Variants in STK17B observed in about 807,000 individuals in gnomAD.
STK17B encodes the protein serine/threonine-protein kinase 17B.
In STK17B, 21 loss-of-function variants were observed where a neutral mutation model predicts 42.0. The ratio of observed to expected loss-of-function variants is 0.50; its 90% CI spans 0.35 to 0.72. The LOEUF (loss-of-function observed/expected upper bound fraction) is 0.72. STK17B is among the 30% of genes least tolerant of loss of function. The pLI is 0.00. For missense variants in STK17B, 349 were observed against 446.0 expected, an observed-to-expected ratio of 0.78 and a Z score of 1.96; for synonymous variants, 143 against 148.4, an observed-to-expected ratio of 0.96 and a Z score of 0.26.
chr2:196,139,420 CCT>C (rs1220262116), intron 7 of STK17B, among the ~76,000 whole-genome samples, 198 bp downstream of exon 7: 10 of 152,068 alleles, frequency 6.6e-5, no homozygotes, highest in African/African-American at 1.4e-4. Context: ...TTCAAAATCC[CCT>C]GTTGTATATT....
At chr2:196,159,670 T>C (rs1438665746) in intron 2 of STK17B, among the ~76,000 whole-genome samples, 1 of 152,134 alleles carries the variant, frequency 6.6e-6, no homozygotes, top group East Asian at 1.9e-4. Flanking sequence ...GGTGACCAAA[T>C]GATGTGGATA....
In STK17B at chr2:196,141,279, T is replaced by C; in HGVS notation, c.626A>G (p.Tyr209Cys). 6.2e-7 allele frequency: 1 copy of C among 1,607,138 alleles called. No individual in the cohort carries two copies. Among genetic ancestry groups the C allele is most frequent in the Non-Finnish European group, 8.5e-7 (1 of 1,176,372 alleles). The change falls in exon 6 of 8, where the codon TAT (tyrosine) becomes TGT (cysteine). Residue 209 changes from tyrosine (Y) to cysteine (C), a missense_variant. This residue lies in a region of STK17B where 256 missense variants were observed against 347.7 expected (regional missense o/e 0.74). Coordinates refer to ENST00000263955, the MANE Select transcript of STK17B (RefSeq NM_004226.4). ...ATCTGTTGCTGTGGTAATGGGATCA[T>C]AGTTCAGGATTTCTGGAGCTGAAAG... is the stretch of plus-strand genomic sequence containing the variant. ...PEYLAPEILN[Y>C]DPITTATDMW...
intron 3 of STK17B, 35 bp downstream of exon 3, chr2:196,156,404 C>T: frequency 1.4e-6 from 2 of 1,468,088 alleles, no homozygotes; most frequent in Non-Finnish European, 1.9e-6. Context: ...TCTTTTCATA[C>T]CAACTAAAAT....
chr2:196,135,237 C>T lies in STK17B; in HGVS notation c.*2210G>A, dbSNP rs1267910742. On this transcript the variant is annotated 3_prime_UTR_variant, in exon 8 of 8. Coordinates refer to ENST00000263955, the MANE Select transcript of STK17B (RefSeq NM_004226.4). Reference sequence around the variant, plus strand: ...AAAAATATAATATGGTCTTCAGAAACATAATCATTTCATTATCCAATGACT... The same window carrying T: ...AAAAATATAATATGGTCTTCAGAAATATAATCATTTCATTATCCAATGACT... 6.6e-6 allele frequency: 1 copy of T among 152,124 alleles called. No homozygotes were observed. The highest frequency in any genetic ancestry group is 2.4e-5 in the African/African-American group (1 of 41,432). 9.4% of individuals were successfully genotyped at this position (152,124 alleles called of 1,614,324 possible).
intron 1 of STK17B, among the ~76,000 whole-genome samples, chr2:196,164,400 A>C (rs1365236195): frequency 6.6e-6 from 1 of 152,172 alleles, no homozygotes; most frequent in Non-Finnish European, 1.5e-5. Flanking sequence ...CTGTATCTGA[A>C]GCTCATATAT....
chr2:196,150,097 T>C (rs1409223025), intron 3 of STK17B, among the ~76,000 whole-genome samples: 1 of 141,824 alleles, frequency 7.1e-6, no homozygotes, highest in Non-Finnish European at 1.5e-5. Flanking sequence ...TGGCAGAAAT[T>C]GGAAAAAGAA....
Position 196,135,684 on chromosome 2 carries a change from A to AGGAGAATT in STK17B, c.*1755_*1762dup, listed in dbSNP as rs1185800317. 1 of 147,924 alleles carries AGGAGAATT rather than the reference A, an allele frequency of 6.8e-6. No individual in the cohort carries two copies. Among genetic ancestry groups the AGGAGAATT allele is most frequent in the Non-Finnish European group, 1.5e-5 (1 of 67,456 alleles). 9.2% of individuals were successfully genotyped at this position (147,924 alleles called of 1,614,324 possible). A position where few individuals can be genotyped will look rare whatever the true frequency, so the allele number is the denominator to read the frequency against. ...TCCCAACTACTCAGGAGGCTGAGACAGGAGAATTGCTTGAACCCGGGAGGC... is the reference window on the plus strand; with the variant it reads ...TCCCAACTACTCAGGAGGCTGAGACAGGAGAATTGGAGAATTGCTTGAACCCGGGAGGC... On this transcript the variant is annotated 3_prime_UTR_variant, in exon 8 of 8. Coordinates refer to ENST00000263955, the MANE Select transcript of STK17B (RefSeq NM_004226.4).
intron 1 of STK17B, among the ~76,000 whole-genome samples, chr2:196,166,896 C>G (rs960856284): frequency 1.3e-5 from 2 of 152,128 alleles, no homozygotes; most frequent in South Asian, 2.1e-4. Context: ...ATAATAAAGA[C>G]ATTTAGAAAA....
At chr2:196,143,433 CA>C in intron 5 of STK17B, 126 bp downstream of exon 5, 2 of 922,468 alleles carry the variant, frequency 2.2e-6, no homozygotes, top group South Asian at 4.6e-5. Context: ...TTTAATGTAT[CA>C]AAATACTTGA....
chr2:196,147,459 G>A (rs949653803), intron 3 of STK17B, among the ~76,000 whole-genome samples: 1 of 152,084 alleles, frequency 6.6e-6, no homozygotes, highest in Non-Finnish European at 1.5e-5. Context: ...GGAGCCATAA[G>A]AAGAAAAAAT....
intron 3 of STK17B, among the ~76,000 whole-genome samples, chr2:196,149,233 TA>T (rs1362722022): frequency 6.6e-6 from 1 of 151,734 alleles, no homozygotes; most frequent in African/African-American, 2.4e-5. Flanking sequence ...GTGCAATCTC[TA>T]CTCACCGCAA....
chr2:196,158,863 T>A (rs1042169924), intron 2 of STK17B, among the ~76,000 whole-genome samples: 1 of 151,862 alleles, frequency 6.6e-6, no homozygotes, highest in African/African-American at 2.4e-5. Flanking sequence ...TACAAAAAAT[T>A]AGCCGGGCTT....
At chr2:196,155,724 G>A (rs1250171499) in intron 3 of STK17B, among the ~76,000 whole-genome samples, 2 of 152,082 alleles carry the variant, frequency 1.3e-5, no homozygotes, top group African/African-American at 4.8e-5. Context: ...TAGAATAAAC[G>A]TGACAGACAA....
intron 2 of STK17B, among the ~76,000 whole-genome samples, chr2:196,161,035 C>G (rs1187270494): frequency 1.3e-5 from 2 of 152,090 alleles, no homozygotes; most frequent in African/African-American, 4.8e-5. Context: ...ATTTACTCAT[C>G]AAATAGTAAC....
intron 1 of STK17B, among the ~76,000 whole-genome samples, chr2:196,164,269 C>T (rs1011835669): frequency 1.3e-5 from 2 of 152,116 alleles, no homozygotes; most frequent in East Asian, 3.8e-4. Flanking sequence ...CTCAGAAACT[C>T]TCAAAGGTCT....
chr2:196,157,644 T>C (rs1054665887), intron 2 of STK17B, among the ~76,000 whole-genome samples: 4 of 152,112 alleles, frequency 2.6e-5, no homozygotes, highest in African/African-American at 9.7e-5. Flanking sequence ...ACTAAGAAAA[T>C]AATGGTTATC....
intron 6 of STK17B, 88 bp from the exon 7 acceptor site, chr2:196,139,887 C>T (rs1182922296): frequency 4.1e-6 from 4 of 967,174 alleles, no homozygotes; most frequent in Non-Finnish European, 4.2e-6. Context: ...TACTCCTCTC[C>T]TCAAAACTGG....
At position 196,158,211 on chromosome 2, in the gene STK17B, C is replaced by T. The variant is rs560960718; in HGVS notation, c.123-1560G>A. Among the ~76,000 whole-genome samples, 6 of 152,068 alleles carry T rather than the reference C, an allele frequency of 3.9e-5. No individual in the cohort carries two copies. The East Asian group carries it at 9.7e-4, about 24-fold the overall frequency. ...AACAAAACTTGGTGTTTAGGGGGTA[C>T]GGGGTGGAAACTGGGGGACTACACT... On this transcript the variant is annotated intron_variant, in intron 2 of 7. Coordinates refer to ENST00000263955, the MANE Select transcript of STK17B (RefSeq NM_004226.4).
chr2:196,145,885 C>T (rs761697185), intron 4 of STK17B, 26 bp downstream of exon 4: 3 of 1,535,280 alleles, frequency 2.0e-6, no homozygotes, highest in Non-Finnish European at 2.6e-6. Flanking sequence ...ACAGATGTTG[C>T]ATTACTTTAA....
Sources: gnomAD v4.1 joint callset for allele counts (sites outside exome capture counted in the v4.1 genomes callset) on GRCh38, gnomAD v4.1.1 for gene constraint, gnomAD v4.1.1 regional missense constraint, MANE v1.5 for transcripts, NCBI Gene and HGNC (gene_info 2026-07-23, HGNC 2026-07-21) for gene names.